The following CNTNAP2 variants were observed in gnomAD, a reference collection of about 807,000 sequenced individuals.
The protein encoded by CNTNAP2 is contactin associated protein 2.
In CNTNAP2, 98 loss-of-function variants were observed where a neutral mutation model predicts 155.2. The observed-to-expected ratio is 0.63, with a 90% CI of 0.54 to 0.75. The LOEUF is 0.75. CNTNAP2 is among the 30% of genes least tolerant of loss of function. The pLI is 0.00. For synonymous variants in CNTNAP2, 651 were observed against 631.2 expected (o/e 1.03, Z -0.47); for missense variants, 1,727 against 1,688.1 (o/e 1.02, Z -0.40).
At chr7:148,315,232 C>T (rs1450400846) in intron 21 of CNTNAP2, among the ~76,000 whole-genome samples, 2 of 152,174 alleles carry the variant, frequency 1.3e-5, no homozygotes, top group South Asian at 2.1e-4. Context: ...GAAGAGACCA[C>T]CAAACAGGCT....
chr7:147,087,990 C>A (rs76353425), intron 4 of CNTNAP2, among the ~76,000 whole-genome samples: 7 of 151,420 alleles, frequency 4.6e-5, no homozygotes, highest in Admixed American at 1.3e-4. Flanking sequence ...AACAAAAAAA[C>A]AAAAAAAACA....
intron 15 of CNTNAP2, among the ~76,000 whole-genome samples, chr7:148,025,658 T>G (rs1802361469): frequency 6.6e-6 from 1 of 152,196 alleles, no homozygotes; most frequent in Admixed American, 6.5e-5. Flanking sequence ...CAACCTTTCT[T>G]TCTTGATTAT....
intron 1 of CNTNAP2, among the ~76,000 whole-genome samples, chr7:146,632,287 C>T (rs1799523229): frequency 6.6e-6 from 1 of 152,096 alleles, no homozygotes; most frequent in Non-Finnish European, 1.5e-5. Context: ...ATATAAAAAA[C>T]TACAATTTTC....
At chr7:147,995,943 GC>G (rs1801797408) in intron 15 of CNTNAP2, among the ~76,000 whole-genome samples, 1 of 152,210 alleles carries the variant, frequency 6.6e-6, no homozygotes. Flanking sequence ...TACATAATTT[GC>G]AAAGTCCAGT....
chr7:146,249,188 G>T (rs796070596), intron 1 of CNTNAP2, among the ~76,000 whole-genome samples: 5 of 152,158 alleles, frequency 3.3e-5, no homozygotes, highest in African/African-American at 1.2e-4. Flanking sequence ...CAGGTCACAG[G>T]GGATATGATG....
chr7:146,285,980 G>C (rs1236121222), intron 1 of CNTNAP2, among the ~76,000 whole-genome samples: 68 of 41,554 alleles, frequency 1.6e-3, no homozygotes, highest in Middle Eastern at 8.8e-3. Flanking sequence ...TTCCTTCTCT[G>C]TGTGTGTGTG....
chr7:147,621,855 A>G (rs73468987), intron 12 of CNTNAP2, among the ~76,000 whole-genome samples: 4,674 of 152,114 alleles, frequency 0.031, 238 homozygotes, highest in African/African-American at 0.11. Flanking sequence ...GATGAAAAAG[A>G]AAAACCATTT....
intron 13 of CNTNAP2, among the ~76,000 whole-genome samples, chr7:147,774,533 A>G (rs775084429): frequency 5.9e-5 from 9 of 152,152 alleles, no homozygotes; most frequent in Non-Finnish European, 1.2e-4. Context: ...ATTTGGAGAT[A>G]AGGCCTTTAT....
At chr7:146,391,721 C>A (rs1795547027) in intron 1 of CNTNAP2, among the ~76,000 whole-genome samples, 1 of 151,940 alleles carries the variant, frequency 6.6e-6, no homozygotes, top group African/African-American at 2.4e-5. Context: ...GCTTCCAGCT[C>A]CATCTATTTC....
chr7:147,384,588 A>T (rs1436225882), intron 9 of CNTNAP2, among the ~76,000 whole-genome samples: 1 of 152,166 alleles, frequency 6.6e-6, no homozygotes, highest in Non-Finnish European at 1.5e-5. Flanking sequence ...GAAAGACTGA[A>T]AATGTTCTTT....
chr7:146,780,414 C>T lies in CNTNAP2; in HGVS notation c.208+6033C>T, dbSNP rs557624559. Among the ~76,000 whole-genome samples, 12 of 152,178 alleles carry T rather than the reference C, an allele frequency of 7.9e-5. No individual in the cohort carries two copies. The East Asian group carries it at 1.7e-3, about 22-fold the overall frequency. ...CCATGTTAGCCAGGATCGTCTCAAT[C>T]TCCTGACCTTGTGATCCACCCGCCT... On this transcript the variant is annotated intron_variant, in intron 2 of 23. Transcript: ENST00000361727.
At chr7:146,910,137 G>T (rs879802881) in intron 3 of CNTNAP2, among the ~76,000 whole-genome samples, 10 of 133,082 alleles carry the variant, frequency 7.5e-5, no homozygotes, top group Admixed American at 4.3e-4. Flanking sequence ...ACAAACCACT[G>T]CTCAAGGAAA....
At position 148,149,884 on chromosome 7, in the gene CNTNAP2, T is replaced by C. The variant is rs6955025; in HGVS notation, c.2773+2175T>C. 6.9e-3 allele frequency among the ~76,000 whole-genome samples: 1,046 copies of C among 152,066 alleles called. 24 individuals carry two copies. Among genetic ancestry groups the C allele is most frequent in the African/African-American group, 0.023 (948 of 41,500 alleles). On this transcript the variant is annotated intron_variant, in intron 17 of 23. Transcript: ENST00000361727. ...TTTTAATTTAGCAATTGTAAAACCA[T>C]TGATGACCGCAGAAACAGAAATTTC...
chr7:147,292,068 A>G (rs148568639), intron 8 of CNTNAP2, among the ~76,000 whole-genome samples: 62 of 152,142 alleles, frequency 4.1e-4, no homozygotes, highest in Non-Finnish European at 7.8e-4. Flanking sequence ...ATGTCTGTTG[A>G]TGAGAAAAAG....
At chr7:146,793,982 G>A (rs771288291) in intron 2 of CNTNAP2, among the ~76,000 whole-genome samples, 13 of 152,190 alleles carry the variant, frequency 8.5e-5, no homozygotes, top group Non-Finnish European at 1.6e-4. Flanking sequence ...GTTGGGGTAT[G>A]CTCAGCCAGT....
At chr7:147,972,094 T>A (rs1466761736) in intron 14 of CNTNAP2, among the ~76,000 whole-genome samples, 1 of 152,206 alleles carries the variant, frequency 6.6e-6, no homozygotes, top group Non-Finnish European at 1.5e-5. Context: ...TACATTTGCC[T>A]AAGGAATGAT....
chr7:147,955,777 A>G (rs1801009074), intron 14 of CNTNAP2, among the ~76,000 whole-genome samples: 1 of 152,212 alleles, frequency 6.6e-6, no homozygotes, highest in African/African-American at 2.4e-5. Context: ...GATATGGACA[A>G]AAGAGCAAAA....
chr7:147,086,067 T>A (rs980595425), intron 4 of CNTNAP2, among the ~76,000 whole-genome samples: 2 of 152,306 alleles, frequency 1.3e-5, no homozygotes, highest in Admixed American at 1.3e-4. Flanking sequence ...TACCGCAGCT[T>A]CCAAGAGAAC....
chr7:146,202,590 T>C (rs1031589334), intron 1 of CNTNAP2, among the ~76,000 whole-genome samples: 2 of 152,168 alleles, frequency 1.3e-5, no homozygotes, highest in African/African-American at 4.8e-5. Context: ...AGACAATTAA[T>C]TTAAATAGCC....
Sources: gnomAD v4.1 joint callset for allele counts (sites outside exome capture counted in the v4.1 genomes callset) on GRCh38, gnomAD v4.1.1 for gene constraint, MANE v1.5 for transcripts, NCBI Gene and HGNC (gene_info 2026-07-23, HGNC 2026-07-21) for gene names.